CERS6: variants seen among roughly 807,000 people sequenced by gnomAD.
The protein encoded by CERS6 is ceramide synthase 6, also known as LAG1 homolog, ceramide synthase 6.
In CERS6, 26 loss-of-function variants were observed where a neutral mutation model predicts 56.8. The ratio of observed to expected loss-of-function variants is 0.46; its 90% CI spans 0.34 to 0.63. The LOEUF (loss-of-function observed/expected upper bound fraction) is 0.63. Ranked by LOEUF, CERS6 falls within the 30% of genes least tolerant of loss-of-function variation. The pLI is 0.01. For synonymous variants in CERS6, 164 were observed against 173.3 expected (o/e 0.95, Z 0.42); for missense variants, 415 against 467.5 (o/e 0.89, Z 1.04).
intron 1 of CERS6, among the ~76,000 whole-genome samples, chr2:168,515,388 A>G (rs1694867420): frequency 6.6e-6 from 1 of 152,026 alleles, no homozygotes; most frequent in African/African-American, 2.4e-5. Flanking sequence ...TAATTTAACT[A>G]TGTAGTCACT....
At chr2:168,677,697 A>G (rs148706064) in intron 4 of CERS6, among the ~76,000 whole-genome samples, 4,533 of 152,116 alleles carry the variant, frequency 0.03, 84 homozygotes, top group Non-Finnish European at 0.045. Context: ...GGGTTTCTCT[A>G]TGTTGGTCAG....
chr2:168,734,734 A>G (rs755994885), intron 8 of CERS6, among the ~76,000 whole-genome samples: 2 of 152,214 alleles, frequency 1.3e-5, no homozygotes, highest in Non-Finnish European at 2.9e-5. Context: ...TTGCTTAGCA[A>G]TGGGACAAAA....
chr2:168,508,357 T>C (rs1694718158), intron 1 of CERS6, among the ~76,000 whole-genome samples: 2 of 152,118 alleles, frequency 1.3e-5, no homozygotes, highest in African/African-American at 4.8e-5. Context: ...CTGTAAAAGG[T>C]TGGGTTAATT....
chr2:168,672,774 C>T (rs1348606568), intron 4 of CERS6, among the ~76,000 whole-genome samples: 1 of 152,174 alleles, frequency 6.6e-6, no homozygotes, highest in African/African-American at 2.4e-5. Context: ...TGACATAGTT[C>T]AATTGCATTA....
intron 4 of CERS6, among the ~76,000 whole-genome samples, chr2:168,659,454 T>G (rs1481932312): frequency 1.3e-5 from 2 of 152,228 alleles, no homozygotes; most frequent in Non-Finnish European, 2.9e-5. Flanking sequence ...TTTTAAATAA[T>G]GGAATCATGC....
chr2:168,682,777 C>T (rs991836669), intron 4 of CERS6, among the ~76,000 whole-genome samples: 1 of 152,194 alleles, frequency 6.6e-6, no homozygotes, highest in Non-Finnish European at 1.5e-5. Flanking sequence ...AGGGGCTCCC[C>T]ATGCAGTTGC....
chr2:168,696,672 A>G (rs1214920567), intron 6 of CERS6, among the ~76,000 whole-genome samples: 1 of 152,174 alleles, frequency 6.6e-6, no homozygotes, highest in East Asian at 1.9e-4. Context: ...ATAGATGACA[A>G]CCTTCTCACT....
At chr2:168,485,479 T>C (rs902771950) in intron 1 of CERS6, among the ~76,000 whole-genome samples, 2 of 152,324 alleles carry the variant, frequency 1.3e-5, no homozygotes, top group South Asian at 2.1e-4. Context: ...AAAAACCTTC[T>C]GTTCTCCATC....
chr2:168,509,670 A>T (rs533440453), intron 1 of CERS6, among the ~76,000 whole-genome samples: 2 of 152,342 alleles, frequency 1.3e-5, no homozygotes, highest in East Asian at 1.9e-4. Flanking sequence ...TATATAATAG[A>T]TGATGAATCT....
chr2:168,466,511 T>G, intron 1 of CERS6, among the ~76,000 whole-genome samples: 1 of 152,248 alleles, frequency 6.6e-6, no homozygotes, highest in Non-Finnish European at 1.5e-5. Flanking sequence ...TATTTAAAGA[T>G]GATTTTTCTC....
chr2:168,572,153 T>A (rs979832276), intron 3 of CERS6, among the ~76,000 whole-genome samples: 1 of 152,218 alleles, frequency 6.6e-6, no homozygotes. Flanking sequence ...CAAAGTTCTC[T>A]AACTCCTGTA....
At chr2:168,490,165 A>G (rs1034381897) in intron 1 of CERS6, among the ~76,000 whole-genome samples, 10 of 152,136 alleles carry the variant, frequency 6.6e-5, no homozygotes, top group Non-Finnish European at 1.0e-4. Context: ...CTGTTGCTAT[A>G]CTGTTCTAGA....
chr2:168,544,585 A>G (rs573855110), intron 1 of CERS6, among the ~76,000 whole-genome samples: 268 of 152,080 alleles, frequency 1.8e-3, no homozygotes, highest in Admixed American at 3.2e-3. Context: ...TGGATAGGGG[A>G]GCTGGAAAGG....
Position 168,643,469 on chromosome 2 carries a change from A to C in CERS6, c.465+12427A>C, listed in dbSNP as rs79691402. Among the ~76,000 whole-genome samples, 385 of 152,296 alleles carry C rather than the reference A, an allele frequency of 2.5e-3. 2 individuals carry two copies. Among genetic ancestry groups the C allele is most frequent in the African/African-American group, 9.1e-3 (377 of 41,564 alleles). On this transcript the variant is annotated intron_variant, in intron 4 of 9. Coordinates refer to ENST00000305747, the MANE Select transcript of CERS6 (RefSeq NM_203463.3). ...TAGTTGATTTCTATGTAGTACAAGAAGTGTTGATAGCATGATGTTTTGTCA... is the reference window on the plus strand; with the variant it reads ...TAGTTGATTTCTATGTAGTACAAGACGTGTTGATAGCATGATGTTTTGTCA...
At chr2:168,611,137 C>T (rs1321943905) in intron 3 of CERS6, among the ~76,000 whole-genome samples, 1 of 152,128 alleles carries the variant, frequency 6.6e-6, no homozygotes, top group African/African-American at 2.4e-5. Flanking sequence ...GGATTAATCA[C>T]CAGCATCTAA....
intron 9 of CERS6, among the ~76,000 whole-genome samples, chr2:168,767,594 A>T (rs952873952): frequency 6.6e-6 from 1 of 152,198 alleles, no homozygotes; most frequent in African/African-American, 2.4e-5. Flanking sequence ...AGTGAGGTTC[A>T]CTTTTATGAT....
chr2:168,620,797 C>CT (rs1421896072), intron 3 of CERS6, among the ~76,000 whole-genome samples: 4 of 133,154 alleles, frequency 3.0e-5, no homozygotes, highest in African/African-American at 5.7e-5. Context: ...AGGTCTTGCT[C>CT]TGTTGCCCAG....
chr2:168,530,015 T>C (rs189642120), intron 1 of CERS6, among the ~76,000 whole-genome samples: 71 of 152,276 alleles, frequency 4.7e-4, no homozygotes, highest in Non-Finnish European at 6.9e-4. Flanking sequence ...GCTATGTGTT[T>C]CTTGGCTGGT....
intron 9 of CERS6, 152 bp from the exon 10 acceptor site, chr2:168,769,358 G>T: frequency 1.5e-6 from 1 of 648,390 alleles, no homozygotes; most frequent in East Asian, 3.0e-5. Context: ...TCCAATGAAG[G>T]GGAACTTATT....
Sources: allele counts gnomAD v4.1 joint callset (sites outside exome capture counted in the v4.1 genomes callset), GRCh38; gene constraint gnomAD v4.1.1; transcripts MANE v1.5; gene names NCBI Gene and HGNC (gene_info 2026-07-23, HGNC 2026-07-21).